The following PPP2R2B variants were observed in gnomAD, a reference collection of about 807,000 sequenced individuals.
The protein encoded by PPP2R2B is protein phosphatase 2 regulatory subunit Bbeta, also known as serine/threonine-protein phosphatase 2A 55 kDa regulatory subunit B beta isoform.
Under a neutral mutation model 46.0 loss-of-function variants are expected in PPP2R2B, and 5 were observed. That is an observed-to-expected ratio of 0.11 (90% confidence interval 0.06 to 0.23). The LOEUF is 0.23. Ranked by LOEUF, PPP2R2B falls within the 10% of genes least tolerant of loss-of-function variation. PPP2R2B has a pLI of 1.00. For missense variants in PPP2R2B, 367 were observed against 575.0 expected (o/e 0.64, Z 3.70); for synonymous variants, 215 against 206.7 (o/e 1.04, Z -0.34).
At chr5:147,080,964 C>T (rs537420225) in intron 2 of PPP2R2B, 1 of 1,217,388 alleles carries the variant, frequency 8.2e-7, no homozygotes, top group South Asian at 1.4e-5. Context: ...TGTGTGGGGA[C>T]TTAGATTCAT....
At chr5:146,772,383 CATATATATATATAT>C (rs33981708) in intron 2 of PPP2R2B, among the ~76,000 whole-genome samples, 202 of 133,570 alleles carry the variant, frequency 1.5e-3, no homozygotes, top group African/African-American at 5.0e-3. Flanking sequence ...ATAACTTGTG[CATATATATATATAT>C]ATATATATAT....
At position 146,878,024 on chromosome 5, in the gene PPP2R2B, G is replaced by A. The variant is rs764839575; in HGVS notation, c.48C>T (p.Arg16=). 1.2e-6 allele frequency: 2 copies of A among 1,613,996 alleles called. No individual in the cohort carries two copies. Among genetic ancestry groups the A allele is most frequent in the Admixed American group, 1.7e-5 (1 of 60,022 alleles). The change falls in exon 2 of 10, where the codon CGC becomes CGT. Residue 16 remains arginine (R), a synonymous_variant. Coordinates refer to ENST00000394411, the MANE Select transcript of PPP2R2B (RefSeq NM_181675.4). The surrounding 1 kb of genome is among the most constrained non-coding windows in gnomAD (Gnocchi z 4.5). ...DTRKINNSFL[R]DHSYATEADI... is the part of the protein sequence containing the mutation. ...TACCTTCGGTCGCATAGCTGTGGTC[G>A]CGCAGGAAACTGTTGTTGATTTTGC...
At chr5:146,989,006 G>T (rs1013866033) in intron 1 of PPP2R2B, among the ~76,000 whole-genome samples, 16 of 151,948 alleles carry the variant, frequency 1.1e-4, no homozygotes, top group Admixed American at 1.0e-3. Flanking sequence ...ACCTAGAAGA[G>T]AGTAATAAAT....
intron 1 of PPP2R2B, among the ~76,000 whole-genome samples, chr5:147,009,773 A>G (rs928517103): frequency 1.2e-4 from 19 of 152,050 alleles, no homozygotes; most frequent in African/African-American, 3.9e-4. Context: ...CAAATTCAAC[A>G]ACTATCCCAA....
chr5:146,745,146 C>T (rs1260902659), intron 2 of PPP2R2B, among the ~76,000 whole-genome samples: 5 of 140,776 alleles, frequency 3.6e-5, no homozygotes, highest in Non-Finnish European at 6.0e-5. Flanking sequence ...AACTCTAAAA[C>T]GTGCAGAGAA....
chr5:146,959,944 A>G (rs1207522164), intron 1 of PPP2R2B, among the ~76,000 whole-genome samples: 1 of 152,204 alleles, frequency 6.6e-6, no homozygotes, highest in Non-Finnish European at 1.5e-5. Context: ...CAAGCTAAGC[A>G]TTTTGAACCT....
intron 5 of PPP2R2B, among the ~76,000 whole-genome samples, chr5:146,682,992 T>G (rs1778273052): frequency 6.6e-6 from 1 of 152,172 alleles, no homozygotes; most frequent in Non-Finnish European, 1.5e-5. Flanking sequence ...GAGAGATCAT[T>G]ATGCCAAAGG....
chr5:146,810,633 T>C (rs374077246), intron 2 of PPP2R2B, among the ~76,000 whole-genome samples: 44 of 152,292 alleles, frequency 2.9e-4, no homozygotes, highest in African/African-American at 1.0e-3. Flanking sequence ...TCATGTATGC[T>C]CTTTCCTTCA....
intron 1 of PPP2R2B, among the ~76,000 whole-genome samples, chr5:147,032,234 A>G (rs1313372500): frequency 6.6e-6 from 1 of 152,346 alleles, no homozygotes; most frequent in East Asian, 1.9e-4. Flanking sequence ...AAAGTGGGCT[A>G]AGGACATGAA....
At chr5:146,729,638 C>T (rs1361719621) in intron 2 of PPP2R2B, among the ~76,000 whole-genome samples, 1 of 152,178 alleles carries the variant, frequency 6.6e-6, no homozygotes, top group Non-Finnish European at 1.5e-5. Flanking sequence ...TGCCCTGTAT[C>T]CCAGCTGCTC....
intron 7 of PPP2R2B, among the ~76,000 whole-genome samples, chr5:146,619,209 C>T (rs1773467635): frequency 6.6e-6 from 1 of 150,944 alleles, no homozygotes; most frequent in African/African-American, 2.4e-5. Context: ...CTGTGGCAAA[C>T]TAGAGTGTCC....
intron 7 of PPP2R2B, chr5:146,607,767 TTAA>T (rs1419221665): frequency 6.6e-6 from 1 of 152,158 alleles, no homozygotes; most frequent in Non-Finnish European, 1.5e-5. Context: ...CAAGAAAGAC[TTAA>T]TAAGAAGCTG....
chr5:146,995,146 G>C (rs769329446), intron 1 of PPP2R2B, among the ~76,000 whole-genome samples: 11 of 152,146 alleles, frequency 7.2e-5, no homozygotes, highest in African/African-American at 2.4e-4. Context: ...CATTCTTCAA[G>C]ACTTACATTA....
chr5:147,063,666 G>C (rs747396125), intron 2 of PPP2R2B, among the ~76,000 whole-genome samples: 4 of 152,240 alleles, frequency 2.6e-5, no homozygotes, highest in Non-Finnish European at 4.4e-5. Context: ...ATTATGAAGA[G>C]GAACCAATAT....
chr5:146,668,738 C>T (rs1581833278), intron 5 of PPP2R2B, among the ~76,000 whole-genome samples: 3 of 152,332 alleles, frequency 2.0e-5, no homozygotes, highest in African/African-American at 7.2e-5. Context: ...GCACTATGCT[C>T]TGTCCTTTTA....
chr5:146,732,154 ATT>A (rs1752271262), intron 2 of PPP2R2B, among the ~76,000 whole-genome samples: 3 of 152,178 alleles, frequency 2.0e-5, no homozygotes, highest in African/African-American at 7.2e-5. Flanking sequence ...CCACTCATTT[ATT>A]CTGCTTCTAA....
At chr5:147,026,941 C>T (rs1755553500) in intron 1 of PPP2R2B, among the ~76,000 whole-genome samples, 1 of 152,162 alleles carries the variant, frequency 6.6e-6, no homozygotes, top group Non-Finnish European at 1.5e-5. Flanking sequence ...CTAGTATTTA[C>T]TCAGAGGCAA....
At chr5:146,707,822 C>G (rs376425953) in intron 2 of PPP2R2B, among the ~76,000 whole-genome samples, 7 of 152,244 alleles carry the variant, frequency 4.6e-5, no homozygotes, top group African/African-American at 1.7e-4. Context: ...CATACCCACA[C>G]ACTCTCTCTC....
chr5:146,832,880 T>C (rs774057476), intron 2 of PPP2R2B, among the ~76,000 whole-genome samples: 6 of 151,940 alleles, frequency 3.9e-5, no homozygotes, highest in Non-Finnish European at 8.8e-5. Flanking sequence ...CAGGTTTGTG[T>C]AAGTACACTC....
Sources: gnomAD v4.1 joint callset for allele counts (sites outside exome capture counted in the v4.1 genomes callset) on GRCh38, gnomAD v4.1.1 for gene constraint, Gnocchi (gnomAD v3.1) non-coding constraint, MANE v1.5 for transcripts, NCBI Gene and HGNC (gene_info 2026-07-23, HGNC 2026-07-21) for gene names.